The following TNRC18 variants were observed in gnomAD, a reference collection of about 807,000 sequenced individuals.
The protein encoded by TNRC18 is trinucleotide repeat containing 18.
In TNRC18, 69 loss-of-function variants were observed where a neutral mutation model predicts 226.7. That is an observed-to-expected ratio of 0.30 (90% confidence interval 0.25 to 0.37). The LOEUF (loss-of-function observed/expected upper bound fraction) is 0.37. Ranked by LOEUF, TNRC18 falls within the 10% of genes least tolerant of loss-of-function variation. TNRC18 has a pLI of 1.00. For synonymous variants in TNRC18, 2,449 were observed against 1,927.6 expected, an observed-to-expected ratio of 1.27 and a Z score of -7.09; for missense variants, 4,754 against 4,256.6, an observed-to-expected ratio of 1.12 and a Z score of -3.25.
At chr7:5,422,269 G>A (rs889302500) in intron 1 of TNRC18, among the ~76,000 whole-genome samples, 2 of 152,152 alleles carry the variant, frequency 1.3e-5, no homozygotes, top group Non-Finnish European at 2.9e-5. Flanking sequence ...TGGCGTGGGG[G>A]ATTTGGGGGA....
intron 3 of TNRC18, 90 bp from the exon 4 acceptor site, chr7:5,390,718 C>T (rs983303784): frequency 2.1e-6 from 3 of 1,404,346 alleles, no homozygotes; most frequent in Admixed American, 5.9e-5. Context: ...ACTATTTTGG[C>T]AGCCGACCGC....
In TNRC18 at chr7:5,388,566, G is replaced by C; in HGVS notation, c.1258C>G (p.Leu420Val). ...TCGCGCAGGCCCTCGGGCCGGTCCA[G>C]AGGCCGCGGGGAGCCGGGGGGCGCC... is the stretch of plus-strand genomic sequence containing the variant. Reference protein sequence around the residue: ...LQAPPGSPRPLDRPEGLREKN... With the variant: ...LQAPPGSPRPVDRPEGLREKN... Residue 420 changes from leucine to valine, a missense_variant, in exon 5 of 30, where the codon CTG (leucine) becomes GTG (valine). By Grantham distance (32) the Leu-to-Val change is conservative. Transcript: ENST00000430969. 2.3e-6 allele frequency: 3 copies of C among 1,305,936 alleles called. No homozygotes were observed. In the South Asian group the frequency reaches 5.5e-5, roughly 24 times the overall value. The allele number at this position is 1,305,936 out of a possible 1,614,324, so 80.9% of individuals were successfully genotyped here. A position where few individuals can be genotyped will look rare whatever the true frequency, so the allele number is the denominator to read the frequency against.
intron 24 of TNRC18, among the ~76,000 whole-genome samples, chr7:5,317,840 G>C (rs1290224643): frequency 6.6e-6 from 1 of 151,740 alleles, no homozygotes; most frequent in Non-Finnish European, 1.5e-5. Context: ...CAAGTAGCTA[G>C]GACAACAGGT....
At chr7:5,345,526 A>ACCCCCCCCCCC in intron 18 of TNRC18, 36 bp downstream of exon 18, 2 of 177,498 alleles carry the variant, frequency 1.1e-5, no homozygotes, top group East Asian at 1.3e-4. Context: ...CGCCCCTCCC[A>ACCCCCCCCCCC]CCCACCCCCA....
intron 13 of TNRC18, 74 bp downstream of exon 13, chr7:5,361,823 G>A (rs1324247915): frequency 9.9e-6 from 15 of 1,512,360 alleles, no homozygotes; most frequent in East Asian, 2.5e-5. Flanking sequence ...CGCACACCTC[G>A]ACGGCTGCTG....
At chr7:5,345,121 T>C (rs1396366031) in intron 18 of TNRC18, among the ~76,000 whole-genome samples, 1 of 152,086 alleles carries the variant, frequency 6.6e-6, no homozygotes, top group East Asian at 1.9e-4. Context: ...CTGAATGAGA[T>C]GCGCTCTCTC....
intron 26 of TNRC18, among the ~76,000 whole-genome samples, 198 bp downstream of exon 26, chr7:5,314,786 T>A (rs1787674391): frequency 6.6e-6 from 1 of 152,210 alleles, no homozygotes; most frequent in South Asian, 2.1e-4. Context: ...TTGGCCAGAC[T>A]GGTCTTGAAC....
At chr7:5,353,335 G>C (rs1052661796) in intron 16 of TNRC18, among the ~76,000 whole-genome samples, 1 of 152,066 alleles carries the variant, frequency 6.6e-6, no homozygotes, top group Non-Finnish European at 1.5e-5. Flanking sequence ...CCAGGAGTTC[G>C]AGACCAGCCT....
At chr7:5,369,268 A>G (rs1793929764) in intron 11 of TNRC18, among the ~76,000 whole-genome samples, 1 of 152,104 alleles carries the variant, frequency 6.6e-6, no homozygotes, top group East Asian at 1.9e-4. Flanking sequence ...GAATCACTTG[A>G]ACCCGGGAGG....
intron 2 of TNRC18, among the ~76,000 whole-genome samples, chr7:5,413,036 G>A (rs915674534): frequency 2.6e-5 from 4 of 152,194 alleles, no homozygotes; most frequent in Non-Finnish European, 4.4e-5. Flanking sequence ...AGGTGGTAAG[G>A]ACCCTGGCCC....
chr7:5,332,104 C>T (rs1048819025), intron 19 of TNRC18, among the ~76,000 whole-genome samples: 8 of 152,056 alleles, frequency 5.3e-5, no homozygotes, highest in Admixed American at 4.6e-4. Context: ...TTTTTAAAGT[C>T]GTCTTCTGAG....
At position 5,387,959 on chromosome 7, in the gene TNRC18, T is replaced by C; in HGVS notation, c.1865A>G (p.Glu622Gly). 1.3e-6 allele frequency: 2 copies of C among 1,597,560 alleles called. No individual in the cohort carries two copies. The highest frequency in any genetic ancestry group is 8.5e-7 in the Non-Finnish European group (1 of 1,173,232). Residue 622 changes from glutamate (E) to glycine (G), a missense_variant, in exon 5 of 30, where the codon GAG becomes GGG. Coordinates refer to ENST00000430969, the MANE Select transcript of TNRC18 (RefSeq NM_001080495.3). ...GGCACCCGCAGAGGTGGGCGCAGGC[T>C]CGGGTTTCATGGTGCCCAAACCTCC... ...PFGGLGTMKP[E>G]PAPTSAGASR...
chr7:5,332,674 A>AG lies in TNRC18; in HGVS notation c.6094dup (p.Leu2032ProfsTer42). 1 of 1,529,740 alleles carries AG rather than the reference A, an allele frequency of 6.5e-7. No homozygotes were observed. The allele number at this position is 1,529,740 out of a possible 1,614,324, so 94.8% of individuals were successfully genotyped here. On this transcript the variant is annotated frameshift_variant, in exon 19 of 30. Transcript: ENST00000430969. LOFTEE classifies it high-confidence loss of function. ...ACGCCCGGCGTCCTTGCGCGGGCTCAGGGGGCCGCCCTTGGCGCAGCGGCT... is the reference window on the plus strand; with the variant it reads ...ACGCCCGGCGTCCTTGCGCGGGCTCAGGGGGGCCGCCCTTGGCGCAGCGGCT...
chr7:5,394,538 T>C lies in TNRC18; in HGVS notation c.245A>G (p.His82Arg). Reference protein sequence around the residue: ...ASGMGPSASSHGSPVPLPSDL... With the variant: ...ASGMGPSASSRGSPVPLPSDL... ...AGAGGGCAGTGGCACTGGGCTCCCATGGGACGAGGCCGAGGGCCCCATCCC... is the reference window on the plus strand; with the variant it reads ...AGAGGGCAGTGGCACTGGGCTCCCACGGGACGAGGCCGAGGGCCCCATCCC... The change falls in exon 3 of 30, where the codon CAT (histidine) becomes CGT (arginine). Residue 82 changes from histidine (H) to arginine (R), a missense_variant. Transcript: ENST00000430969. The surrounding 1 kb of genome is among the most constrained non-coding windows in gnomAD (Gnocchi z 4.5). The C allele has an allele frequency of 6.4e-7, 1 of 1,552,240 alleles. No individual in the cohort carries two copies. Among genetic ancestry groups the C allele is most frequent in the Non-Finnish European group, 8.7e-7 (1 of 1,150,232 alleles).
rs1261122696 is a variant in TNRC18 at position 5,312,602 on chromosome 7, C to T, written c.8289G>A (p.Leu2763=). The T allele has an allele frequency of 5.0e-6, 8 of 1,610,916 alleles. No homozygotes were observed. The highest frequency in any genetic ancestry group is 5.9e-6 in the Non-Finnish European group (7 of 1,179,348). ...EGVHLPTTKE[L]AKRQRLPSVE... ...CGGACGGCAGGCGCTGCCGCTTGGC[C>T]AGCTCCTTGGTGGTGGGGAGGTGGA... Residue 2763 remains leucine, a synonymous_variant, in exon 27 of 30, where the codon CTG becomes CTA. Coordinates refer to ENST00000430969, the MANE Select transcript of TNRC18 (RefSeq NM_001080495.3). This position sits in a 1 kb window ranked among gnomAD's most constrained non-coding sequence, Gnocchi z 6.3.
rs753878538 is a variant in TNRC18, at chr7:5,312,569, G to A, written c.8322C>T (p.Asn2774=). ...GCAGGAAGGCGGCGATCTTGGGCCG[G>A]TTCTCCACGGACGGCAGGCGCTGCC... ...AKRQRLPSVE[N]RPKIAAFLPA... The change falls in exon 27 of 30, where the codon AAC becomes AAT. Residue 2774 remains asparagine (N), a synonymous_variant. Coordinates refer to ENST00000430969, the MANE Select transcript of TNRC18 (RefSeq NM_001080495.3). This position sits in a 1 kb window ranked among gnomAD's most constrained non-coding sequence, Gnocchi z 6.3. 8.1e-6 allele frequency: 13 copies of A among 1,611,192 alleles called. No homozygotes were observed. Among genetic ancestry groups the A allele is most frequent in the Non-Finnish European group, 1.1e-5 (13 of 1,179,386 alleles).
intron 2 of TNRC18, among the ~76,000 whole-genome samples, chr7:5,396,322 T>C (rs1780687147): frequency 6.6e-6 from 1 of 152,038 alleles, no homozygotes; most frequent in African/African-American, 2.4e-5. Flanking sequence ...CACTCCCGCC[T>C]GGGCAACAGA....
chr7:5,340,920 A>G (rs927681432), intron 18 of TNRC18, among the ~76,000 whole-genome samples: 6 of 152,222 alleles, frequency 3.9e-5, no homozygotes, highest in African/African-American at 9.6e-5. Flanking sequence ...ACAGCCTTCT[A>G]AGAAGATGCC....
At position 5,345,812 on chromosome 7, in the gene TNRC18, T is replaced by TG; in HGVS notation, c.5471-3dup. 1.3e-6 allele frequency: 2 copies of TG among 1,540,650 alleles called. No individual in the cohort carries two copies. Among genetic ancestry groups the TG allele is most frequent in the Non-Finnish European group, 1.7e-6 (2 of 1,145,838 alleles). On this transcript the variant is annotated splice_region_variant and splice_polypyrimidine_tract_variant and intron_variant, in intron 17 of 29. Coordinates refer to ENST00000430969, the MANE Select transcript of TNRC18 (RefSeq NM_001080495.3). ...CGTCCTCCTCCTCCGAGCTCTCATC[T>TG]GGCGTGCAGAAAACAGGGACCGAGT...
Sources: allele counts gnomAD v4.1 joint callset (sites outside exome capture counted in the v4.1 genomes callset), GRCh38; gene constraint gnomAD v4.1.1; non-coding constraint Gnocchi (gnomAD v3.1); transcripts MANE v1.5; gene names NCBI Gene and HGNC (gene_info 2026-07-23, HGNC 2026-07-21).